Variants in ZGRF1 observed in about 807,000 individuals in gnomAD.
ZGRF1 encodes zinc finger GRF-type containing 1.
A neutral mutation model predicts 203.5 loss-of-function variants in ZGRF1; 196 were observed. The observed-to-expected ratio is 0.96, with a 90% CI of 0.86 to 1.08. The LOEUF (loss-of-function observed/expected upper bound fraction) is 1.08, where lower values mean the gene tolerates loss of function less well. Ranked by LOEUF, ZGRF1 falls within the 50% of genes least tolerant of loss-of-function variation. The pLI, the probability that ZGRF1 is intolerant of heterozygous loss-of-function variation, is 0.00. For synonymous variants in ZGRF1, 809 were observed against 841.3 expected, an observed-to-expected ratio of 0.96 and a Z score of 0.66; for missense variants, 2,326 against 2,416.3, an observed-to-expected ratio of 0.96 and a Z score of 0.78.
chr4:112,560,975 C>G lies in ZGRF1; in HGVS notation c.4718G>C (p.Ser1573Thr). The change falls in exon 19 of 28, where the codon AGT (serine) becomes ACT (threonine). Residue 1573 changes from serine to threonine, a missense_variant. By Grantham distance (58) the Ser-to-Thr change is moderately conservative. Coordinates refer to ENST00000505019, the MANE Select transcript of ZGRF1 (RefSeq NM_018392.5). Reference sequence around the variant, plus strand: ...TTTTCTCTTACTGACTCTTTTGTTACTAACTATAGTTGGCGAAGACCTAAT... The same window carrying G: ...TTTTCTCTTACTGACTCTTTTGTTAGTAACTATAGTTGGCGAAGACCTAAT... ...LLTTSSPTIV[S>T]NKRVSKRKFI... is the part of the protein sequence containing the mutation. The G allele has an allele frequency of 6.2e-7, 1 of 1,609,746 alleles. No homozygotes were observed. The highest frequency in any genetic ancestry group is 8.5e-7 in the Non-Finnish European group (1 of 1,176,968).
At chr4:112,611,669 T>C (rs901324953) in intron 7 of ZGRF1, among the ~76,000 whole-genome samples, 2 of 152,188 alleles carry the variant, frequency 1.3e-5, no homozygotes, top group South Asian at 4.1e-4. Flanking sequence ...CACAATGAAC[T>C]CACAGGAGCT....
At chr4:112,558,949 T>C (rs1288792537) in intron 19 of ZGRF1, among the ~76,000 whole-genome samples, 1 of 152,178 alleles carries the variant, frequency 6.6e-6, no homozygotes, top group African/African-American at 2.4e-5. Flanking sequence ...GAAGTAGAAC[T>C]AAGACTTCCA....
intron 10 of ZGRF1, among the ~76,000 whole-genome samples, chr4:112,598,408 C>T (rs183868055): frequency 2.0e-4 from 31 of 152,110 alleles, no homozygotes; most frequent in African/African-American, 7.5e-4. Context: ...TCATAGTATA[C>T]CAATTGGCTC....
At chr4:112,633,527 G>T (rs554513351) in intron 1 of ZGRF1, among the ~76,000 whole-genome samples, 2 of 152,174 alleles carry the variant, frequency 1.3e-5, no homozygotes, top group Admixed American at 6.5e-5. Context: ...CAGAAAACAC[G>T]AATTTGTCCT....
rs55877934 is a variant in ZGRF1, at chr4:112,613,248, C to G, written c.2603-660G>C. 2.0e-3 allele frequency among the ~76,000 whole-genome samples: 308 copies of G among 152,018 alleles called. 1 individual carries two copies. The highest frequency in any genetic ancestry group is 7.0e-3 in the African/African-American group (290 of 41,452). On this transcript the variant is annotated intron_variant, in intron 6 of 27. Coordinates refer to ENST00000505019, the MANE Select transcript of ZGRF1 (RefSeq NM_018392.5). ...GGTGGAGGTTGCAGTGAGCTAAGAT[C>G]GCACCACTGCACTCCAGCCTGGGTG...
rs1292954737 is a variant in ZGRF1 at position 112,619,430 on chromosome 4, T to C, written c.612A>G (p.Pro204=). 5 of 1,612,436 alleles carry C rather than the reference T, an allele frequency of 3.1e-6. No individual in the cohort carries two copies. Among genetic ancestry groups the C allele is most frequent in the African/African-American group, 1.3e-5 (1 of 74,846 alleles). The change falls in exon 6 of 28, where the codon CCA becomes CCG. Residue 204 remains proline (P), a synonymous_variant. Coordinates refer to ENST00000505019, the MANE Select transcript of ZGRF1 (RefSeq NM_018392.5). The stretch of plus-strand genomic sequence containing the variant: ...AATAATTTTCTTCACACAGCACTTC[T>C]GGGTTAATCTGGAAGGATGGAGAAA... ...SVFSPSFQIN[P]EVLCEENYFC...
intron 8 of ZGRF1, among the ~76,000 whole-genome samples, chr4:112,608,999 A>G (rs1163039245): frequency 6.6e-6 from 1 of 152,174 alleles, no homozygotes; most frequent in African/African-American, 2.4e-5. Flanking sequence ...ACAAACTTAG[A>G]TGTATTTATT....
chr4:112,616,723 G>A (rs1490680033), intron 6 of ZGRF1, among the ~76,000 whole-genome samples: 1 of 151,114 alleles, frequency 6.6e-6, no homozygotes, highest in African/African-American at 2.4e-5. Context: ...TGTAATTCCA[G>A]CTACTCAGGA....
At position 112,617,667 on chromosome 4, in the gene ZGRF1, C is replaced by G. The variant is rs1215405019; in HGVS notation, c.2375G>C (p.Arg792Thr). 1.9e-6 allele frequency: 3 copies of G among 1,613,832 alleles called. No individual in the cohort carries two copies. The highest frequency in any genetic ancestry group is 2.5e-6 in the Non-Finnish European group (3 of 1,179,954). ...ISEPEDLGKI[R>T]SPPPDHVEVE... ...CTCAACATGGTCAGGGGGTGGACTT[C>G]TAATCTTTCCCAAATCTTCAGGTTC... The change falls in exon 6 of 28, where the codon AGA becomes ACA. Residue 792 changes from arginine (R) to threonine (T), a missense_variant. Coordinates refer to ENST00000505019, the MANE Select transcript of ZGRF1 (RefSeq NM_018392.5).
chr4:112,616,574 C>T (rs548559037), intron 6 of ZGRF1, among the ~76,000 whole-genome samples: 4 of 148,968 alleles, frequency 2.7e-5, no homozygotes, highest in East Asian at 4.0e-4. Flanking sequence ...TGGTGGCTCA[C>T]GCCTGTAATC....
rs1318465321 is a variant in ZGRF1 at position 112,586,490 on chromosome 4, G to A, written c.3871C>T (p.Gln1291Ter). The change falls in exon 13 of 28, where the codon CAG (glutamine) becomes TAG (stop). Residue 1291 changes from glutamine (Q) to a stop codon, truncating the protein, a stop_gained. Coordinates refer to ENST00000505019, the MANE Select transcript of ZGRF1 (RefSeq NM_018392.5). LOFTEE classifies it high-confidence loss of function. ...GTCTGCTTATAATGAGCAGGAGACTGAAAAACAGCTGGTATGTGAATTTGC... is the reference window on the plus strand; with the variant it reads ...GTCTGCTTATAATGAGCAGGAGACTAAAAAACAGCTGGTATGTGAATTTGC... ...QRQIHIPAVF[Q>*]SPAHYKQTFT... 1 of 1,612,988 alleles carries A rather than the reference G, an allele frequency of 6.2e-7. No homozygotes were observed. Among genetic ancestry groups the A allele is most frequent in the African/African-American group, 1.3e-5 (1 of 74,998 alleles).
chr4:112,565,549 G>A (rs1207602693), intron 16 of ZGRF1, among the ~76,000 whole-genome samples: 1 of 151,874 alleles, frequency 6.6e-6, no homozygotes, highest in African/African-American at 2.4e-5. Context: ...TACCATCAGA[G>A]TGAACAGGCA....
At chr4:112,620,380 A>C (rs1180674375) in intron 4 of ZGRF1, among the ~76,000 whole-genome samples, 190 bp from the exon 5 acceptor site, 1 of 152,226 alleles carries the variant, frequency 6.6e-6, no homozygotes, top group African/African-American at 2.4e-5. Flanking sequence ...AAAAAGGACA[A>C]TAATATAATT....
At chr4:112,564,159 A>G (rs1243309959) in intron 16 of ZGRF1, among the ~76,000 whole-genome samples, 1 of 152,232 alleles carries the variant, frequency 6.6e-6, no homozygotes, top group East Asian at 1.9e-4. Flanking sequence ...TCAGATCAGT[A>G]AGGATATTAG....
At chr4:112,630,642 TTC>T (rs2047377511) in intron 3 of ZGRF1, among the ~76,000 whole-genome samples, 1 of 152,070 alleles carries the variant, frequency 6.6e-6, no homozygotes, top group Non-Finnish European at 1.5e-5. Flanking sequence ...TGTAATAAAG[TTC>T]TTTTTTAAAA....
At chr4:112,593,470 T>G (rs781360333) in intron 10 of ZGRF1, among the ~76,000 whole-genome samples, 2 of 152,230 alleles carry the variant, frequency 1.3e-5, no homozygotes, top group Non-Finnish European at 2.9e-5. Context: ...TGTCACTTCA[T>G]GCTGCATCCT....
Position 112,617,965 on chromosome 4 carries a change from G to A in ZGRF1, c.2077C>T (p.His693Tyr), listed in dbSNP as rs1209408063. 7 of 1,612,976 alleles carry A rather than the reference G, an allele frequency of 4.3e-6. No homozygotes were observed. The highest frequency in any genetic ancestry group is 5.9e-6 in the Non-Finnish European group (7 of 1,179,902). The change falls in exon 6 of 28, where the codon CAT becomes TAT. Residue 693 changes from histidine to tyrosine, a missense_variant. By Grantham distance (83) the His-to-Tyr change is moderately conservative (BLOSUM62 2). Transcript: ENST00000505019. Reference protein sequence around the residue: ...KGINMNLHIPHIQNQIAENSN... With the variant: ...KGINMNLHIPYIQNQIAENSN... The stretch of plus-strand genomic sequence containing the variant: ...TTTTCAGCAATCTGGTTTTGAATAT[G>A]AGGAATATGTAAATTCATGTTTATA...
chr4:112,634,329 C>G (rs2047507877), intron 1 of ZGRF1, among the ~76,000 whole-genome samples: 1 of 152,106 alleles, frequency 6.6e-6, no homozygotes, highest in East Asian at 1.9e-4. Context: ...AAGCTGTAAG[C>G]TGAAATAACC....
At chr4:112,566,058 AC>A (rs1743013204) in intron 16 of ZGRF1, among the ~76,000 whole-genome samples, 2 of 152,152 alleles carry the variant, frequency 1.3e-5, no homozygotes, top group African/African-American at 4.8e-5. Context: ...TATGTTTATT[AC>A]GGCACTATTC....
Sources: allele counts gnomAD v4.1 joint callset (sites outside exome capture counted in the v4.1 genomes callset), GRCh38; gene constraint gnomAD v4.1.1; transcripts MANE v1.5; gene names NCBI Gene and HGNC (gene_info 2026-07-23, HGNC 2026-07-21).